CSF1R: variants seen among roughly 807,000 people sequenced by gnomAD.
The protein encoded by CSF1R is colony stimulating factor 1 receptor, also known as macrophage colony-stimulating factor 1 receptor.
A neutral mutation model predicts 110.0 loss-of-function variants in CSF1R; 40 were observed. The observed-to-expected ratio is 0.36, with a 90% CI of 0.28 to 0.47. The LOEUF is 0.47. CSF1R is among the 20% of genes least tolerant of loss of function. The pLI is 0.99. For synonymous variants in CSF1R, 523 were observed against 503.4 expected (o/e 1.04, Z -0.52); for missense variants, 1,052 against 1,253.0 (o/e 0.84, Z 2.42).
At chr5:150,056,452 C>T in intron 16 of CSF1R, 111 bp from the exon 17 acceptor site, 1 of 1,407,436 alleles carries the variant, frequency 7.1e-7, no homozygotes, top group Non-Finnish European at 9.7e-7. Flanking sequence ...CTGGAGTGAA[C>T]AACAGTTTTG....
Position 150,075,440 on chromosome 5 carries a change from C to A in CSF1R, c.889+1836G>T, listed in dbSNP as rs145473010. Among the ~76,000 whole-genome samples, 3 of 152,212 alleles carry A rather than the reference C, an allele frequency of 2.0e-5. No individual in the cohort carries two copies. In the East Asian group the frequency reaches 5.8e-4, roughly 29 times the overall value. ...CCCGCAGCCACACTGGCCCACTTGT[C>A]CCCTGAACATGGCAAGCACAGTCCC... On this transcript the variant is annotated intron_variant, in intron 5 of 20. Transcript: ENST00000675795.
intron 5 of CSF1R, 127 bp from the exon 6 acceptor site, chr5:150,073,620 C>A: frequency 1.1e-6 from 1 of 879,492 alleles, no homozygotes; most frequent in Non-Finnish European, 1.7e-6. Context: ...GTCCCCACCA[C>A]CCAAGACAGG....
chr5:150,084,378 AGAAAGAAAGAAAGAAGGAAGGAAG>A (rs1561945721), intron 1 of CSF1R, among the ~76,000 whole-genome samples: 13 of 48,630 alleles, frequency 2.7e-4, no homozygotes, highest in Admixed American at 7.1e-4. Context: ...AAAGAAAGAA[AGAAAGAAAGAAAGAAGGAAGGAAG>A]GAAGGAAGGA....
chr5:150,069,111 C>T (rs1217855338), intron 9 of CSF1R, among the ~76,000 whole-genome samples: 4 of 152,204 alleles, frequency 2.6e-5, no homozygotes, highest in African/African-American at 4.8e-5. Context: ...GCAGTGAGGC[C>T]CAGCGCGGCC....
upstream of CSF1R, among the ~76,000 whole-genome samples, chr5:150,088,822 C>T: frequency 6.6e-6 from 1 of 152,216 alleles, no homozygotes; most frequent in Non-Finnish European, 1.5e-5. Context: ...GCGTGAGCCA[C>T]TGCACCCAGC....
At chr5:150,112,791 C>A (rs1482481673) in intron 1 of CSF1R, among the ~76,000 whole-genome samples, 1 of 152,158 alleles carries the variant, frequency 6.6e-6, no homozygotes, top group Non-Finnish European at 1.5e-5. Context: ...GCCTGTGAGT[C>A]AGAGCTGTCC....
At chr5:150,056,417 GC>G in intron 16 of CSF1R, 76 bp from the exon 17 acceptor site, 1 of 1,572,120 alleles carries the variant, frequency 6.4e-7, no homozygotes, top group Non-Finnish European at 8.7e-7. Flanking sequence ...GGCAGGGAGG[GC>G]CCCACATGGC....
intron 1 of CSF1R, among the ~76,000 whole-genome samples, chr5:150,084,398 G>C (rs181951501): frequency 1.6e-4 from 4 of 25,026 alleles, no homozygotes; most frequent in Non-Finnish European, 2.2e-4. Context: ...AAAGAAGGAA[G>C]GAAGGAAGGA....
chr5:150,062,268 T>C (rs1182982324), intron 10 of CSF1R, among the ~76,000 whole-genome samples: 1 of 120,134 alleles, frequency 8.3e-6, no homozygotes. Context: ...TATATTTTAA[T>C]TGTGATAAAA....
intron 13 of CSF1R, 112 bp downstream of exon 13, chr5:150,060,750 C>A: frequency 1.5e-6 from 1 of 660,630 alleles, no homozygotes; most frequent in Non-Finnish European, 2.6e-6. Context: ...ATCCCCCTGA[C>A]ACTTGGAGCA....
chr5:150,083,326 C>T (rs1758639385), intron 1 of CSF1R, among the ~76,000 whole-genome samples: 1 of 147,552 alleles, frequency 6.8e-6, no homozygotes, highest in South Asian at 2.2e-4. Flanking sequence ...CAGAATGTGC[C>T]CCAATCTCTA....
At chr5:150,061,931 G>A (rs539586110) in intron 10 of CSF1R, 82 bp from the exon 11 acceptor site, 16 of 1,597,520 alleles carry the variant, frequency 1.0e-5, no homozygotes, top group African/African-American at 1.3e-5. Context: ...AAGAGCAGGG[G>A]TGTGGGCAGT....
At chr5:150,087,470 T>TA (rs1284027064), upstream of CSF1R, among the ~76,000 whole-genome samples, 3 of 152,244 alleles carry the variant, frequency 2.0e-5, no homozygotes, top group Non-Finnish European at 4.4e-5. Context: ...TCAAATGCCT[T>TA]AAGCTTGTCC....
intron 1 of CSF1R, among the ~76,000 whole-genome samples, chr5:150,108,756 G>T (rs1470959618): frequency 6.6e-6 from 1 of 152,208 alleles, no homozygotes; most frequent in Non-Finnish European, 1.5e-5. Flanking sequence ...GCAAAGGGGA[G>T]CTGGGCAAGG....
chr5:150,105,347 CAAA>C (rs780403646), intron 1 of CSF1R, among the ~76,000 whole-genome samples: 786 of 76,452 alleles, frequency 0.01, 9 homozygotes, highest in African/African-American at 0.02. Flanking sequence ...GACTCTGTCT[CAAA>C]AAAAAAAAAA....
rs139615529 is a variant in CSF1R at position 150,077,052 on chromosome 5, T to A, written c.889+224A>T. On this transcript the variant is annotated intron_variant, in intron 5 of 20. Transcript: ENST00000675795. ...AAAAATGGCACTAAGGTGCACCCAA[T>A]GCAGCCATGCACTGTAAGAGCTCCA... 195 of 604,926 alleles carry A rather than the reference T, an allele frequency of 3.2e-4. 1 individual carries two copies. The East Asian group carries it at 5.7e-3, about 18-fold the overall frequency. The allele number at this position is 604,926 out of a possible 1,614,324, so 37.5% of individuals were successfully genotyped here.
At chr5:150,111,115 A>T (rs189537083) in intron 1 of CSF1R, among the ~76,000 whole-genome samples, 1 of 152,350 alleles carries the variant, frequency 6.6e-6, no homozygotes, top group African/African-American at 2.4e-5. Flanking sequence ...ACCGAACATT[A>T]TAACTAAAAT....
At chr5:150,109,960 A>G (rs1759668774) in intron 1 of CSF1R, among the ~76,000 whole-genome samples, 1 of 152,212 alleles carries the variant, frequency 6.6e-6, no homozygotes, top group Non-Finnish European at 1.5e-5. Context: ...CAATATGTTC[A>G]GCTCTCTTAT....
intron 12 of CSF1R, 72 bp from the exon 13 acceptor site, chr5:150,061,044 A>G: frequency 9.1e-7 from 1 of 1,097,882 alleles, no homozygotes; most frequent in Admixed American, 2.0e-5. Flanking sequence ...ATACATGGGG[A>G]CCAAATGCAG....
Sources: allele counts gnomAD v4.1 joint callset (sites outside exome capture counted in the v4.1 genomes callset), GRCh38; gene constraint gnomAD v4.1.1; transcripts MANE v1.5; gene names NCBI Gene and HGNC (gene_info 2026-07-23, HGNC 2026-07-21).